PTP4A1: variants seen among roughly 807,000 people sequenced by gnomAD.
The protein encoded by PTP4A1 is protein tyrosine phosphatase 4A1, also known as protein tyrosine phosphatase type IVA 1.
Under a neutral mutation model 20.5 loss-of-function variants are expected in PTP4A1, and 9 were observed. The ratio of observed to expected loss-of-function variants is 0.44; its 90% CI spans 0.26 to 0.77. The LOEUF (loss-of-function observed/expected upper bound fraction) is 0.77, where lower values mean the gene tolerates loss of function less well. Among genes scored for constraint, PTP4A1 ranks in the 30% least tolerant of loss-of-function variants. The pLI, the probability that PTP4A1 is intolerant of heterozygous loss-of-function variation, is 0.19. For synonymous variants in PTP4A1, 78 were observed against 67.4 expected, an observed-to-expected ratio of 1.16 and a Z score of -0.77; for missense variants, 137 against 218.8, an observed-to-expected ratio of 0.63 and a Z score of 2.36.
intron 2 of PTP4A1, chr6:63,549,160 G>A: frequency 1.5e-6 from 1 of 684,972 alleles, no homozygotes; most frequent in Non-Finnish European, 2.6e-6. Context: ...TTTTTGGCCA[G>A]GGCCAACAGC....
At chr6:63,541,633 C>A (rs559454236) in intron 2 of PTP4A1, among the ~76,000 whole-genome samples, 86 of 152,264 alleles carry the variant, frequency 5.6e-4, no homozygotes, top group African/African-American at 2.0e-3. Context: ...TTGCATTCAT[C>A]TATCACCCCT....
chr6:63,554,761 T>G (rs1776604572), intron 3 of PTP4A1, among the ~76,000 whole-genome samples: 1 of 152,206 alleles, frequency 6.6e-6, no homozygotes, highest in Admixed American at 6.5e-5. Flanking sequence ...CACTCTAGCC[T>G]GGGTGACAGA....
chr6:63,578,970 A>T lies in PTP4A1; in HGVS notation c.271A>T (p.Lys91Ter), dbSNP rs1259965861. Residue 91 changes from lysine (K) to a stop codon, truncating the protein, a stop_gained, in exon 4 of 6, where the codon AAG becomes TAG. Coordinates refer to ENST00000626021, the MANE Select transcript of PTP4A1 (RefSeq NM_003463.5). LOFTEE classifies it high-confidence loss of function. ...VDDWLSLVKIKFREEPGCCIA... is the reference protein window; with the variant it reads ...VDDWLSLVKI Reference sequence around the variant, plus strand: ...TGACTGGTTAAGTCTTGTGAAAATTAAGTTTCGTGAAGAACCTGGTTGTTG... The same window carrying T: ...TGACTGGTTAAGTCTTGTGAAAATTTAGTTTCGTGAAGAACCTGGTTGTTG... 1 of 1,607,972 alleles carries T rather than the reference A, an allele frequency of 6.2e-7. No individual in the cohort carries two copies. The highest frequency in any genetic ancestry group is 2.2e-5 in the East Asian group (1 of 44,510).
upstream of PTP4A1, among the ~76,000 whole-genome samples, chr6:63,570,289 C>T (rs549913360): frequency 2.4e-4 from 36 of 152,282 alleles, 1 homozygote; most frequent in African/African-American, 6.0e-4. Flanking sequence ...AAAGATTGCA[C>T]CACTGTGCTC....
intron 1 of PTP4A1, chr6:63,573,582 C>T (rs1410097186): frequency 1.3e-5 from 2 of 152,288 alleles, no homozygotes; most frequent in Non-Finnish European, 2.9e-5. Context: ...GCGAGCTGCA[C>T]CCCTGCCCGG....
At chr6:63,570,022 T>C (rs565183314), upstream of PTP4A1, among the ~76,000 whole-genome samples, 10 of 152,336 alleles carry the variant, frequency 6.6e-5, no homozygotes, top group African/African-American at 2.2e-4. Context: ...CAATGGCAGC[T>C]GACAAGCAGG....
intron 3 of PTP4A1, among the ~76,000 whole-genome samples, chr6:63,565,872 T>A (rs1292860575): frequency 6.6e-6 from 1 of 152,260 alleles, no homozygotes; most frequent in Non-Finnish European, 1.5e-5. Context: ...CACTTTTTAA[T>A]ATAGAGCATG....
chr6:63,535,550 A>G (rs922780479), intron 2 of PTP4A1, among the ~76,000 whole-genome samples: 3 of 152,258 alleles, frequency 2.0e-5, no homozygotes, highest in Non-Finnish European at 4.4e-5. Flanking sequence ...AACTAAAATT[A>G]GTGGCATTTG....
intron 3 of PTP4A1, among the ~76,000 whole-genome samples, chr6:63,562,286 G>A (rs1261087928): frequency 4.0e-5 from 6 of 148,350 alleles, no homozygotes; most frequent in Non-Finnish European, 7.4e-5. Flanking sequence ...CACAACCTTC[G>A]CCTCCCGGGT....
chr6:63,520,755 G>T (rs1442647872), upstream of PTP4A1, among the ~76,000 whole-genome samples: 1 of 151,984 alleles, frequency 6.6e-6, no homozygotes, highest in Non-Finnish European at 1.5e-5. Flanking sequence ...TTATTTCCTT[G>T]TCAATATGAT....
chr6:63,526,828 TATATA>T (rs200322641), intron 1 of PTP4A1, among the ~76,000 whole-genome samples: 1,450 of 143,518 alleles, frequency 0.01, 27 homozygotes, highest in African/African-American at 0.035. Context: ...TATATATATA[TATATA>T]TATTTATTTA....
intron 2 of PTP4A1, among the ~76,000 whole-genome samples, chr6:63,541,529 G>A (rs763407319): frequency 2.0e-5 from 3 of 152,098 alleles, no homozygotes; most frequent in Non-Finnish European, 4.4e-5. Context: ...CTCCAGCCTG[G>A]GCGACCTTGT....
chr6:63,518,482 A>G (rs1774811567), upstream of PTP4A1, among the ~76,000 whole-genome samples: 1 of 152,250 alleles, frequency 6.6e-6, no homozygotes, highest in Non-Finnish European at 1.5e-5. Flanking sequence ...GTAAAGGATA[A>G]CAACCATAGT....
At chr6:63,519,707 T>G (rs1774853418), upstream of PTP4A1, among the ~76,000 whole-genome samples, 1 of 152,238 alleles carries the variant, frequency 6.6e-6, no homozygotes, top group East Asian at 1.9e-4. Flanking sequence ...AGAAAAGGTA[T>G]TAAGCAATTC....
At chr6:63,542,645 G>C (rs183434561) in intron 2 of PTP4A1, among the ~76,000 whole-genome samples, 2 of 152,108 alleles carry the variant, frequency 1.3e-5, no homozygotes, top group East Asian at 1.9e-4. Context: ...TCACATAGTT[G>C]ACCAGTTTTC....
chr6:63,519,246 G>A (rs1042020526), upstream of PTP4A1, among the ~76,000 whole-genome samples: 2 of 151,938 alleles, frequency 1.3e-5, no homozygotes, highest in Admixed American at 1.3e-4. Context: ...GGCAGAGGTT[G>A]CAGTGAGCCG....
At chr6:63,533,190 T>C (rs1421333593) in intron 2 of PTP4A1, among the ~76,000 whole-genome samples, 2 of 152,156 alleles carry the variant, frequency 1.3e-5, no homozygotes. Flanking sequence ...AATACAAGCT[T>C]GGCCAACATG....
intron 3 of PTP4A1, among the ~76,000 whole-genome samples, chr6:63,551,382 GCAA>G (rs1463746603): frequency 6.6e-6 from 1 of 151,978 alleles, no homozygotes; most frequent in Non-Finnish European, 1.5e-5. Flanking sequence ...GGTAATTTGG[GCAA>G]CAACAACAAA....
At chr6:63,527,413 A>G (rs892638154) in intron 1 of PTP4A1, among the ~76,000 whole-genome samples, 3 of 152,166 alleles carry the variant, frequency 2.0e-5, no homozygotes, top group African/African-American at 7.2e-5. Flanking sequence ...TAAGGACCTA[A>G]CAAATAGTCA....
Sources: allele counts gnomAD v4.1 joint callset (sites outside exome capture counted in the v4.1 genomes callset), GRCh38; gene constraint gnomAD v4.1.1; transcripts MANE v1.5; gene names NCBI Gene and HGNC (gene_info 2026-07-23, HGNC 2026-07-21).